The following TDRD9 variants were observed in gnomAD, a reference collection of about 807,000 sequenced individuals.
TDRD9 encodes tudor domain containing 9.
Under a neutral mutation model 172.6 loss-of-function variants are expected in TDRD9, and 124 were observed. That is an observed-to-expected ratio of 0.72 (90% CI 0.62 to 0.83). The LOEUF is 0.83. TDRD9 is among the 40% of genes least tolerant of loss of function. The pLI, the probability that TDRD9 is intolerant of heterozygous loss-of-function variation, is 0.00. For missense variants in TDRD9, 1,479 were observed against 1,714.1 expected (o/e 0.86, Z 2.42); for synonymous variants, 619 against 617.1 (o/e 1.00, Z -0.05).
Position 104,034,966 on chromosome 14 carries a change from C to G in TDRD9, c.3626C>G (p.Thr1209Arg). The G allele has an allele frequency of 6.4e-7, 1 of 1,551,186 alleles. No individual in the cohort carries two copies. The highest frequency in any genetic ancestry group is 1.2e-5 in the South Asian group (1 of 84,046). Residue 1209 changes from threonine to arginine, a missense_variant, in exon 32 of 36, where the codon ACG becomes AGG. This residue lies in a region of TDRD9 where 1,413 missense variants were observed against 1,649.1 expected (regional missense o/e 0.86). Coordinates refer to ENST00000409874, the MANE Select transcript of TDRD9 (RefSeq NM_153046.3). ...TTTAGCATGACTTGAACAGGATCTA[C>G]GATGCTGCTGAGAGAAACCTCTCTG... ...ASLSINATGS[T>R]MLLRETSLMP...
chr14:104,007,022 C>A, intron 18 of TDRD9, 138 bp from the exon 19 acceptor site: 1 of 1,018,042 alleles, frequency 9.8e-7, no homozygotes. Flanking sequence ...AGGTGGAAGT[C>A]CAATTTTATG....
At position 104,008,529 on chromosome 14, in the gene TDRD9, T is replaced by C. The variant is rs150151523; in HGVS notation, c.2106+63T>C. 8 of 1,092,816 alleles carry C rather than the reference T, an allele frequency of 7.3e-6. No individual in the cohort carries two copies. In the East Asian group the frequency reaches 1.9e-4, roughly 26 times the overall value. 67.7% of individuals were successfully genotyped at this position (1,092,816 alleles called of 1,614,324 possible). On this transcript the variant is annotated intron_variant, in intron 20 of 35. Transcript: ENST00000409874. ...GTTGACTTATGAAATATTTATTAAATGACAACAATATTTATTAAGTACGTG... is the reference window on the plus strand; with the variant it reads ...GTTGACTTATGAAATATTTATTAAACGACAACAATATTTATTAAGTACGTG...
intron 34 of TDRD9, among the ~76,000 whole-genome samples, chr14:104,048,868 T>A (rs771655491): frequency 6.6e-6 from 1 of 152,116 alleles, no homozygotes; most frequent in Non-Finnish European, 1.5e-5. Flanking sequence ...GGTGTGAGGA[T>A]TTTTCCCCCT....
chr14:103,963,512 A>T (rs920409549), intron 3 of TDRD9, among the ~76,000 whole-genome samples: 4 of 152,096 alleles, frequency 2.6e-5, no homozygotes, highest in Non-Finnish European at 5.9e-5. Flanking sequence ...GTTTAAATAA[A>T]CTCACTGCTA....
chr14:104,026,226 C>A, intron 27 of TDRD9, 90 bp downstream of exon 27: 2 of 913,630 alleles, frequency 2.2e-6, no homozygotes, highest in South Asian at 1.5e-5. Context: ...CCTGCCTCGG[C>A]TTACAGCTAG....
chr14:103,976,763 TA>T (rs2033263272), intron 7 of TDRD9, among the ~76,000 whole-genome samples: 2 of 152,250 alleles, frequency 1.3e-5, no homozygotes, highest in South Asian at 2.1e-4. Context: ...CTGTTTTCCA[TA>T]AACGCTATAC....
At position 103,980,769 on chromosome 14, in the gene TDRD9, C is replaced by G. The variant is rs572203598; in HGVS notation, c.1011+5216C>G. The stretch of plus-strand genomic sequence containing the variant: ...ACTAGACCACGGCTAGACCATGGTC[C>G]GCTTGGCAACGGGCGTCTTCCCAGA... On this transcript the variant is annotated intron_variant, in intron 7 of 35. Transcript: ENST00000409874. The surrounding 1 kb of genome is among the most constrained non-coding windows in gnomAD (Gnocchi z 4.5). 4.6e-5 allele frequency among the ~76,000 whole-genome samples: 7 copies of G among 152,166 alleles called. No individual in the cohort carries two copies. The East Asian group carries it at 1.4e-3, about 30-fold the overall frequency.
chr14:103,991,503 C>G (rs969282127), intron 9 of TDRD9, among the ~76,000 whole-genome samples: 1 of 152,046 alleles, frequency 6.6e-6, no homozygotes, highest in African/African-American at 2.4e-5. Flanking sequence ...ACCTCTGCCT[C>G]CCCGGTTCCA....
intron 24 of TDRD9, among the ~76,000 whole-genome samples, chr14:104,023,582 T>A (rs1376713320): frequency 6.6e-6 from 1 of 152,262 alleles, no homozygotes; most frequent in Non-Finnish European, 1.5e-5. Flanking sequence ...CTGGTGGATC[T>A]TCTTCTCTTG....
intron 1 of TDRD9, among the ~76,000 whole-genome samples, chr14:103,935,709 G>A (rs900194514): frequency 1.3e-5 from 2 of 152,136 alleles, no homozygotes; most frequent in Non-Finnish European, 2.9e-5. Flanking sequence ...AGGTGGATGA[G>A]TTGCAGTGAG....
At position 104,049,126 on chromosome 14, in the gene TDRD9, G is replaced by A. The variant is rs867436084; in HGVS notation, c.3975-482G>A. 1.4e-3 allele frequency among the ~76,000 whole-genome samples: 218 copies of A among 151,866 alleles called. 1 individual carries two copies. Among genetic ancestry groups the A allele is most frequent in the African/African-American group, 5.0e-3 (207 of 41,428 alleles). ...TGTATGTATGTATGTATGTATGTGT[G>A]TGTGTGTGTGTGTGTGTGTGTATGT... On this transcript the variant is annotated intron_variant, in intron 34 of 35. Transcript: ENST00000409874.
intron 8 of TDRD9, among the ~76,000 whole-genome samples, chr14:103,988,277 G>A (rs1014338302): frequency 1.3e-5 from 2 of 151,950 alleles, no homozygotes; most frequent in Non-Finnish European, 1.5e-5. Flanking sequence ...GGGTTCAAGC[G>A]ATTCTCCTGT....
At chr14:104,032,565 C>G (rs1297417846) in intron 30 of TDRD9, among the ~76,000 whole-genome samples, 1 of 152,226 alleles carries the variant, frequency 6.6e-6, no homozygotes, top group East Asian at 1.9e-4. Context: ...GGTAGTCTCT[C>G]TCTCACACAC....
intron 1 of TDRD9, among the ~76,000 whole-genome samples, chr14:103,938,440 A>AT (rs71126087): frequency 0.02 from 869 of 44,490 alleles, 54 homozygotes; most frequent in East Asian, 0.039. Context: ...ATATATATAT[A>AT]TTTTTTTTTT....
In TDRD9 at chr14:104,022,267, A is replaced by G. The variant is rs1404233596; in HGVS notation, c.2543A>G (p.His848Arg). ...QLKVSLELSV[H>R]SAEEIEGKVQ... is the part of the protein sequence containing the mutation. ...AAAGTTTCACTTGAACTCAGCGTTC[A>G]TTCTGCAGAGGAAATTGAAGGGAAG... The change falls in exon 24 of 36, where the codon CAT (histidine) becomes CGT (arginine). Residue 848 changes from histidine to arginine, a missense_variant. By Grantham distance (29) the His-to-Arg change is conservative. This residue lies in a region of TDRD9 where 1,413 missense variants were observed against 1,649.1 expected (regional missense o/e 0.86). Transcript: ENST00000409874. The G allele has an allele frequency of 3.1e-6, 5 of 1,613,608 alleles. No homozygotes were observed. Among genetic ancestry groups the G allele is most frequent in the Non-Finnish European group, 4.2e-6 (5 of 1,179,806 alleles).
Position 103,994,356 on chromosome 14 carries a change from A to G in TDRD9, c.1205A>G (p.His402Arg). 2 of 1,613,766 alleles carry G rather than the reference A, an allele frequency of 1.2e-6. No homozygotes were observed. Among genetic ancestry groups the G allele is most frequent in the Non-Finnish European group, 1.7e-6 (2 of 1,179,736 alleles). The change falls in exon 10 of 36, where the codon CAT (histidine) becomes CGT (arginine). Residue 402 changes from histidine (H) to arginine (R), a missense_variant. Transcript: ENST00000409874. ...LPGLGEINYM[H>R]ELLTSLVHKR... Reference sequence around the variant, plus strand: ...GGTCTGGGTGAAATAAATTATATGCATGAACTTCTCACAAGCCTGGTTCAT... The same window carrying G: ...GGTCTGGGTGAAATAAATTATATGCGTGAACTTCTCACAAGCCTGGTTCAT...
intron 1 of TDRD9, among the ~76,000 whole-genome samples, chr14:103,944,893 A>G (rs1355172124): frequency 4.6e-5 from 7 of 152,034 alleles, no homozygotes; most frequent in Non-Finnish European, 2.9e-5. Flanking sequence ...ATGCTTTCCA[A>G]TTAGATCCTG....
At chr14:103,940,906 A>C (rs35337422) in intron 1 of TDRD9, 196,901 of 1,534,972 alleles carry the variant, frequency 0.13, 14,196 homozygotes, top group Non-Finnish European at 0.15. Flanking sequence ...AATGGTGGGT[A>C]TTTCATCTTT....
intron 8 of TDRD9, among the ~76,000 whole-genome samples, chr14:103,988,361 A>G (rs1385874451): frequency 6.6e-6 from 1 of 152,064 alleles, no homozygotes; most frequent in African/African-American, 2.4e-5. Context: ...TTTAGTAGAG[A>G]CAGGGTTTCA....
Sources: allele counts gnomAD v4.1 joint callset (sites outside exome capture counted in the v4.1 genomes callset), GRCh38; gene constraint gnomAD v4.1.1; regional missense constraint gnomAD v4.1.1; non-coding constraint Gnocchi (gnomAD v3.1); transcripts MANE v1.5; gene names NCBI Gene and HGNC (gene_info 2026-07-23, HGNC 2026-07-21).